The following NPHP4 variants were observed in gnomAD, a reference collection of about 807,000 sequenced individuals.
NPHP4 encodes nephrocystin-4.
NPHP4 carries 151 observed loss-of-function variants against 155.8 expected under a neutral mutation model. That is an observed-to-expected ratio of 0.97 (90% CI 0.85 to 1.11). The LOEUF (loss-of-function observed/expected upper bound fraction) is 1.11. Ranked by LOEUF, NPHP4 falls within the 50% of genes least tolerant of loss-of-function variation. NPHP4 has a pLI of 0.00. For synonymous variants in NPHP4, 845 were observed against 816.8 expected (o/e 1.03, Z -0.59); for missense variants, 1,956 against 1,925.7 (o/e 1.02, Z -0.29).
chr1:5,956,061 G>A (rs769249407), intron 6 of NPHP4, among the ~76,000 whole-genome samples: 1 of 50,504 alleles, frequency 2.0e-5, no homozygotes, highest in East Asian at 3.8e-3. Flanking sequence ...CAAAAAGCTG[G>A]GGGGGGGGGG....
chr1:5,864,433 G>A lies in NPHP4; in HGVS notation c.3901C>T (p.Arg1301Cys), dbSNP rs766610686. 3.7e-5 allele frequency: 60 copies of A among 1,609,498 alleles called. No individual in the cohort carries two copies. The highest frequency in any genetic ancestry group is 4.3e-5 in the Non-Finnish European group (51 of 1,178,310). Residue 1301 changes from arginine (R) to cysteine (C), a missense_variant, in exon 28 of 30, where the codon CGC (arginine) becomes TGC (cysteine). By Grantham distance (180) the Arg-to-Cys change is radical. Coordinates refer to ENST00000378156, the MANE Select transcript of NPHP4 (RefSeq NM_015102.5). ...VGVRPLRAGS[R>C]FVHLNLVDVD... is the part of the protein sequence containing the mutation. ...TCCACCAGGTTGAGATGGACAAAGC[G>A]GCTGCCGGCCCTAAGGGGCCTCACG...
intron 11 of NPHP4, among the ~76,000 whole-genome samples, chr1:5,911,390 T>C (rs921437980): frequency 2.6e-5 from 4 of 152,304 alleles, no homozygotes; most frequent in African/African-American, 7.2e-5. Flanking sequence ...TGAGGACAAA[T>C]TGCCAGAAAT....
At chr1:5,919,141 C>G (rs2101551501) in intron 11 of NPHP4, among the ~76,000 whole-genome samples, 1 of 152,306 alleles carries the variant, frequency 6.6e-6, no homozygotes, top group South Asian at 2.1e-4. Context: ...GACCATCTTG[C>G]CCACAAATCC....
At chr1:5,928,353 G>C (rs1356182190) in intron 10 of NPHP4, among the ~76,000 whole-genome samples, 1 of 152,236 alleles carries the variant, frequency 6.6e-6, no homozygotes, top group East Asian at 1.9e-4. Context: ...TTTAGCATAA[G>C]ACTGAGGAGA....
chr1:5,991,843 C>G (rs968366315), intron 1 of NPHP4, among the ~76,000 whole-genome samples: 1 of 150,650 alleles, frequency 6.6e-6, no homozygotes, highest in Non-Finnish European at 1.5e-5. Flanking sequence ...GGGAAGGATG[C>G]GCGCGGACTA....
intron 1 of NPHP4, among the ~76,000 whole-genome samples, chr1:5,991,821 G>T (rs1374437409): frequency 2.0e-5 from 3 of 151,528 alleles, no homozygotes; most frequent in Non-Finnish European, 1.5e-5. Flanking sequence ...CGGGGTCCGC[G>T]GACTCCGGCC....
intron 11 of NPHP4, among the ~76,000 whole-genome samples, chr1:5,924,429 G>C (rs1368396655): frequency 6.6e-6 from 1 of 152,052 alleles, no homozygotes; most frequent in African/African-American, 2.4e-5. Flanking sequence ...GAATCATTCT[G>C]GGCAAGCAGA....
At chr1:5,980,810 A>T (rs1181881366) in intron 2 of NPHP4, among the ~76,000 whole-genome samples, 1 of 152,144 alleles carries the variant, frequency 6.6e-6, no homozygotes, top group Non-Finnish European at 1.5e-5. Context: ...AGGTGGGCAG[A>T]GCAGGTCTGA....
chr1:5,927,539 T>C, intron 11 of NPHP4, 110 bp downstream of exon 11: 2 of 1,203,576 alleles, frequency 1.7e-6, no homozygotes, highest in Non-Finnish European at 2.3e-6. Flanking sequence ...CTACGACGAT[T>C]ATCTTACAAA....
Position 5,890,505 on chromosome 1 carries a change from C to T in NPHP4, c.2304+363G>A, listed in dbSNP as rs753969229. Among the ~76,000 whole-genome samples the T allele has an allele frequency of 6.6e-6, 1 of 152,168 alleles. No homozygotes were observed. Among genetic ancestry groups the T allele is most frequent in the African/African-American group, 2.4e-5 (1 of 41,448 alleles). On this transcript the variant is annotated intron_variant, in intron 17 of 29. Coordinates refer to ENST00000378156, the MANE Select transcript of NPHP4 (RefSeq NM_015102.5). This position sits in a 1 kb window ranked among gnomAD's most constrained non-coding sequence, Gnocchi z 4.9. ...GGTCACACTGCACACCCCAGTCATT[C>T]GCGTATCCATTCATTCATCCTCAAC...
chr1:5,885,617 C>T (rs1271658225), intron 18 of NPHP4, among the ~76,000 whole-genome samples: 1 of 152,250 alleles, frequency 6.6e-6, no homozygotes, highest in African/African-American at 2.4e-5. Flanking sequence ...AGCCATGGCA[C>T]AGGTTTCCTT....
chr1:5,948,009 C>A lies in NPHP4; in HGVS notation c.992+61G>T, dbSNP rs184265177. The A allele has an allele frequency of 1.5e-5, 20 of 1,325,094 alleles. No homozygotes were observed. The African/African-American group carries it at 1.7e-4, about 11-fold the overall frequency. The allele number at this position is 1,325,094 out of a possible 1,614,324, so 82.1% of individuals were successfully genotyped here. ...TCAACACCTGACATGCACAAATGAC[C>A]TCATTTCATCGTGATCCCTTGCACA... On this transcript the variant is annotated intron_variant, in intron 8 of 29. Coordinates refer to ENST00000378156, the MANE Select transcript of NPHP4 (RefSeq NM_015102.5).
Position 5,944,689 on chromosome 1 carries a change from G to C in NPHP4, c.1119+2415C>G, listed in dbSNP as rs1206095675. On this transcript the variant is annotated intron_variant, in intron 9 of 29. Coordinates refer to ENST00000378156, the MANE Select transcript of NPHP4 (RefSeq NM_015102.5). The surrounding 1 kb of genome is among the most constrained non-coding windows in gnomAD (Gnocchi z 4.3). The stretch of plus-strand genomic sequence containing the variant: ...GCACATCGGAAAGTACCAATGACTG[G>C]CCGGGCGCGGTGGTTCACGTCTGGA... Among the ~76,000 whole-genome samples, 1 of 152,200 alleles carries C rather than the reference G, an allele frequency of 6.6e-6. No homozygotes were observed. The highest frequency in any genetic ancestry group is 1.5e-5 in the Non-Finnish European group (1 of 68,034).
chr1:5,909,270 G>A (rs1645063448), intron 11 of NPHP4, 57 bp from the exon 12 acceptor site: 2 of 1,382,026 alleles, frequency 1.4e-6, no homozygotes, highest in Admixed American at 1.9e-5. Context: ...GTTGGGGGCA[G>A]TGGGCCCCTG....
intron 9 of NPHP4, among the ~76,000 whole-genome samples, chr1:5,933,881 G>A (rs1425282776): frequency 1.3e-5 from 2 of 152,154 alleles, no homozygotes; most frequent in African/African-American, 2.4e-5. Context: ...CAGGAAATTG[G>A]GAAATCGATC....
In NPHP4 at chr1:5,873,340, A is replaced by G; in HGVS notation, c.3232-5T>C. The G allele has an allele frequency of 6.2e-7, 1 of 1,613,402 alleles. No homozygotes were observed. Among genetic ancestry groups the G allele is most frequent in the Non-Finnish European group, 8.5e-7 (1 of 1,179,330 alleles). Reference sequence around the variant, plus strand: ...GTTGCTCAACCCAGGAGAGGCCTGCAGGAACCGAACAGCACAAGCAGGTCA... The same window carrying G: ...GTTGCTCAACCCAGGAGAGGCCTGCGGGAACCGAACAGCACAAGCAGGTCA... On this transcript the variant is annotated splice_polypyrimidine_tract_variant and splice_region_variant and intron_variant, in intron 22 of 29. Coordinates refer to ENST00000378156, the MANE Select transcript of NPHP4 (RefSeq NM_015102.5).
intron 22 of NPHP4, 146 bp downstream of exon 22, chr1:5,874,325 G>A: frequency 1.3e-6 from 1 of 757,924 alleles, no homozygotes; most frequent in Admixed American, 3.3e-5. Flanking sequence ...CAGGGCTCTT[G>A]TTGAGCACCA....
intron 23 of NPHP4, among the ~76,000 whole-genome samples, chr1:5,872,843 C>A (rs138088631): frequency 6.6e-6 from 1 of 152,224 alleles, no homozygotes; most frequent in African/African-American, 2.4e-5. Context: ...CCTTACTATA[C>A]GGCCTTCGCT....
At position 5,877,234 on chromosome 1, in the gene NPHP4, C is replaced by T. The variant is rs761401698; in HGVS notation, c.2676G>A (p.Leu892=). ...GCCCCTTGCCCTGCCGGGCATGGGT[C>T]AGTAGCATGGCAGCCAGCTCACTGT... The part of the protein sequence containing the change: ...DVDSELAAML[L]THARQGKGPQ... Residue 892 remains leucine (L), a synonymous_variant, in exon 20 of 30, where the codon CTG becomes CTA. Transcript: ENST00000378156. The T allele has an allele frequency of 9.3e-6, 15 of 1,608,650 alleles. No homozygotes were observed. Among genetic ancestry groups the T allele is most frequent in the East Asian group, 2.2e-5 (1 of 44,660 alleles).
Sources: allele counts gnomAD v4.1 joint callset (sites outside exome capture counted in the v4.1 genomes callset), GRCh38; gene constraint gnomAD v4.1.1; non-coding constraint Gnocchi (gnomAD v3.1); transcripts MANE v1.5; gene names NCBI Gene and HGNC (gene_info 2026-07-23, HGNC 2026-07-21).